The following ITSN1 variants were observed in gnomAD, a reference collection of about 807,000 sequenced individuals.
ITSN1 encodes the protein intersectin-1.
In ITSN1, 58 loss-of-function variants were observed where a neutral mutation model predicts 239.8. The observed-to-expected ratio is 0.24, with a 90% CI of 0.20 to 0.30. The LOEUF (loss-of-function observed/expected upper bound fraction) is 0.30. Ranked by LOEUF, ITSN1 falls within the 10% of genes least tolerant of loss-of-function variation. The probability of loss-of-function intolerance (pLI) is 1.00; values close to 1 mark genes in which losing one functional copy is unlikely to be tolerated. For synonymous variants in ITSN1, 780 were observed against 770.8 expected (o/e 1.01, Z -0.20); for missense variants, 1,558 against 2,103.3 (o/e 0.74, Z 5.07).
intron 27 of ITSN1, among the ~76,000 whole-genome samples, chr21:33,832,317 C>T (rs2074341218): frequency 6.6e-6 from 1 of 152,220 alleles, no homozygotes; most frequent in African/African-American, 2.4e-5. Flanking sequence ...CCAGCACTGG[C>T]CCCGTGCCGG....
In ITSN1 at chr21:33,751,850, T is replaced by G; in HGVS notation, c.567T>G (p.Gly189=). 1 of 1,613,598 alleles carries G rather than the reference T, an allele frequency of 6.2e-7. No individual in the cohort carries two copies. The highest frequency in any genetic ancestry group is 8.5e-7 in the Non-Finnish European group (1 of 1,179,550). ...AGAGTTCTTCCTTTAGTAGATCTGGTCCAGGGTCACAACTAAACACTAAAT... is the reference window on the plus strand; with the variant it reads ...AGAGTTCTTCCTTTAGTAGATCTGGGCCAGGGTCACAACTAAACACTAAAT... ...LPKSSSFSRS[G]PGSQLNTKLQ... is the part of the protein sequence containing the mutation. The change falls in exon 7 of 40, where the codon GGT becomes GGG. Residue 189 remains glycine, a synonymous_variant. Transcript: ENST00000381318.
In ITSN1 at chr21:33,895,825, G is replaced by A. The variant is rs971218978; in HGVS notation, c.*7525G>A. On this transcript the variant is annotated 3_prime_UTR_variant, in exon 40 of 40. Transcript: ENST00000381318. ...CGTTGCTCCACAGTCCTGTCATCCT[G>A]GTCAGGACTAGTCGCGTGGTTTGCG... is the stretch of plus-strand genomic sequence containing the variant. 1 of 152,406 alleles carries A rather than the reference G, an allele frequency of 6.6e-6. No homozygotes were observed. The highest frequency in any genetic ancestry group is 1.9e-4 in the East Asian group (1 of 5,184). 9.4% of individuals were successfully genotyped at this position (152,406 alleles called of 1,614,324 possible). A position where few individuals can be genotyped will look rare whatever the true frequency, so the allele number is the denominator to read the frequency against.
chr21:33,820,910 G>A (rs182939070), intron 24 of ITSN1, among the ~76,000 whole-genome samples: 169 of 152,282 alleles, frequency 1.1e-3, no homozygotes, highest in Middle Eastern at 3.4e-3. Context: ...TGGAGGGCTG[G>A]AGTTTGTATC....
At chr21:33,817,776 T>A in intron 22 of ITSN1, 1 of 631,306 alleles carries the variant, frequency 1.6e-6, no homozygotes, top group Non-Finnish European at 2.3e-6. Flanking sequence ...GAAAAGGAAC[T>A]AAAACAAGCA....
chr21:33,705,804 T>C (rs1013056828), intron 1 of ITSN1, among the ~76,000 whole-genome samples: 1 of 152,206 alleles, frequency 6.6e-6, no homozygotes, highest in Non-Finnish European at 1.5e-5. Flanking sequence ...AGTCAAATGC[T>C]CTTCCTTTAG....
chr21:33,880,977 C>T (rs553655268), intron 34 of ITSN1, among the ~76,000 whole-genome samples: 12 of 152,140 alleles, frequency 7.9e-5, no homozygotes, highest in African/African-American at 2.9e-4. Flanking sequence ...AGCCGCGTTT[C>T]AGCGCCCACC....
In ITSN1 at chr21:33,889,435, C is replaced by A. The variant is rs1459872944; in HGVS notation, c.*1135C>A. ...GCAAAGACCTAAGACACTTTTCCAC[C>A]CTCCACCACCCCAACCTCACATAAT... On this transcript the variant is annotated 3_prime_UTR_variant, in exon 40 of 40. Transcript: ENST00000381318. 6.6e-6 allele frequency: 1 copy of A among 152,130 alleles called. No individual in the cohort carries two copies. Among genetic ancestry groups the A allele is most frequent in the African/African-American group, 2.4e-5 (1 of 41,420 alleles). The allele number at this position is 152,130 out of a possible 1,614,324, so 9.4% of individuals were successfully genotyped here.
intron 16 of ITSN1, among the ~76,000 whole-genome samples, chr21:33,782,365 C>T (rs886989009): frequency 2.6e-5 from 4 of 152,214 alleles, no homozygotes; most frequent in Admixed American, 6.5e-5. Flanking sequence ...TATTTTGACA[C>T]ATCTCCATTC....
chr21:33,728,045 A>G (rs1175921470), intron 4 of ITSN1, among the ~76,000 whole-genome samples: 1 of 151,596 alleles, frequency 6.6e-6, no homozygotes, highest in Non-Finnish European at 1.5e-5. Context: ...GCTCACTGCA[A>G]CCTCTGTCTC....
intron 29 of ITSN1, among the ~76,000 whole-genome samples, chr21:33,850,325 G>C (rs2075117817): frequency 6.6e-6 from 1 of 152,190 alleles, no homozygotes; most frequent in South Asian, 2.1e-4. Flanking sequence ...ACCAGGACAG[G>C]CTGGGTGGGA....
intron 1 of ITSN1, among the ~76,000 whole-genome samples, chr21:33,649,455 A>G (rs2088301621): frequency 6.6e-6 from 1 of 152,214 alleles, no homozygotes; most frequent in African/African-American, 2.4e-5. Context: ...GTGTTTTTCT[A>G]GTAGAATTAA....
intron 5 of ITSN1, among the ~76,000 whole-genome samples, chr21:33,737,819 C>T (rs186783564): frequency 3.3e-4 from 50 of 152,224 alleles, no homozygotes; most frequent in Admixed American, 1.3e-3. Context: ...GGTGATCCAC[C>T]CACCTCAGCC....
chr21:33,749,498 C>T (rs1042669639), intron 5 of ITSN1, among the ~76,000 whole-genome samples: 5 of 151,752 alleles, frequency 3.3e-5, no homozygotes, highest in Admixed American at 6.6e-5. Context: ...TAAAAATAGC[C>T]GGGCATGGTG....
intron 1 of ITSN1, 99 bp downstream of exon 1, chr21:33,642,812 C>G (rs1006543603): frequency 6.6e-6 from 1 of 151,980 alleles, no homozygotes; most frequent in Non-Finnish European, 1.5e-5. Flanking sequence ...CCGGGGCATC[C>G]GTCCCGCGCC....
At chr21:33,802,299 C>T (rs1158574153) in intron 19 of ITSN1, 131 bp from the exon 20 acceptor site, 1 of 831,836 alleles carries the variant, frequency 1.2e-6, no homozygotes, top group Non-Finnish European at 2.0e-6. Context: ...CCTGTTGAAA[C>T]CTTTTCCTCG....
intron 1 of ITSN1, among the ~76,000 whole-genome samples, chr21:33,656,108 G>C (rs1169574129): frequency 6.6e-6 from 1 of 152,118 alleles, no homozygotes; most frequent in Non-Finnish European, 1.5e-5. Flanking sequence ...CAAGTCCAAG[G>C]ATTCTGATTG....
chr21:33,770,482 T>G (rs754053850), intron 11 of ITSN1, among the ~76,000 whole-genome samples: 1 of 152,172 alleles, frequency 6.6e-6, no homozygotes, highest in Non-Finnish European at 1.5e-5. Context: ...AACAATGACA[T>G]TTAGTGCATT....
intron 16 of ITSN1, among the ~76,000 whole-genome samples, chr21:33,789,576 C>T (rs987101266): frequency 2.0e-5 from 3 of 152,156 alleles, no homozygotes; most frequent in East Asian, 1.9e-4. Flanking sequence ...CTTTCATAGA[C>T]CCCTGTTGCT....
chr21:33,772,635 T>A (rs1300519022), intron 12 of ITSN1, among the ~76,000 whole-genome samples: 1 of 152,256 alleles, frequency 6.6e-6, no homozygotes, highest in African/African-American at 2.4e-5. Context: ...CTTTTGTTTC[T>A]GGCTTTCATT....
Sources: allele counts gnomAD v4.1 joint callset (sites outside exome capture counted in the v4.1 genomes callset), GRCh38; gene constraint gnomAD v4.1.1; transcripts MANE v1.5; gene names NCBI Gene and HGNC (gene_info 2026-07-23, HGNC 2026-07-21).